The following EVA1C variants were observed in gnomAD, a reference collection of about 807,000 sequenced individuals.
EVA1C encodes the protein eva-1 homolog C.
EVA1C carries 25 observed loss-of-function variants against 45.4 expected under a neutral mutation model. The observed-to-expected ratio is 0.55, with a 90% CI of 0.40 to 0.77. The LOEUF (loss-of-function observed/expected upper bound fraction) is 0.77. Among genes scored for constraint, EVA1C ranks in the 30% least tolerant of loss-of-function variants. The probability of loss-of-function intolerance (pLI) is 0.00; values close to 1 mark genes in which losing one functional copy is unlikely to be tolerated. For missense variants in EVA1C, 479 were observed against 554.8 expected, an observed-to-expected ratio of 0.86 and a Z score of 1.37; for synonymous variants, 190 against 221.2, an observed-to-expected ratio of 0.86 and a Z score of 1.25.
intron 4 of EVA1C, among the ~76,000 whole-genome samples, chr21:32,492,783 A>G (rs866353963): frequency 8.1e-4 from 123 of 151,792 alleles, no homozygotes; most frequent in African/African-American, 2.8e-3. Flanking sequence ...ATCTCTCAGT[A>G]GCACCACTGT....
upstream of EVA1C, chr21:32,412,473 C>T: frequency 5.7e-6 from 1 of 175,038 alleles, no homozygotes; most frequent in East Asian, 1.5e-4. Flanking sequence ...CGGCCCGGGG[C>T]GCGCTACTGG....
intron 4 of EVA1C, among the ~76,000 whole-genome samples, chr21:32,468,380 A>G (rs2036255451): frequency 7.5e-6 from 1 of 133,450 alleles, no homozygotes; most frequent in African/African-American, 2.8e-5. Flanking sequence ...CTCAAAAAAC[A>G]AACAAACAAA....
intron 1 of EVA1C, among the ~76,000 whole-genome samples, chr21:32,423,067 T>A (rs1334953410): frequency 7.4e-5 from 1 of 13,510 alleles, no homozygotes; most frequent in Non-Finnish European, 1.1e-4. Flanking sequence ...TGAGACTCTG[T>A]CTCAAAAAAA....
intron 3 of EVA1C, among the ~76,000 whole-genome samples, chr21:32,459,953 G>T (rs1257268159): frequency 1.3e-5 from 2 of 151,200 alleles, no homozygotes; most frequent in African/African-American, 2.4e-5. Flanking sequence ...CTATATGTTT[G>T]AAATGTTTCA....
In EVA1C at chr21:32,412,974, G is replaced by T. The variant is rs1393896285; in HGVS notation, c.121G>T (p.Val41Phe). The T allele has an allele frequency of 6.6e-7, 1 of 1,523,110 alleles. No homozygotes were observed. The allele number at this position is 1,523,110 out of a possible 1,614,324, so 94.3% of individuals were successfully genotyped here. A position where few individuals can be genotyped will look rare whatever the true frequency, so the allele number is the denominator to read the frequency against. Residue 41 changes from valine (V) to phenylalanine (F), a missense_variant, in exon 1 of 8, where the codon GTC becomes TTC. By Grantham distance (50) the Val-to-Phe change is conservative. Transcript: ENST00000300255. ...LLRLFYCTVL[V>F]CSKEISALTD... is the part of the protein sequence containing the mutation. ...GCGCCTCTTCTACTGCACTGTCCTG[G>T]TCTGCTCCAAAGAGATCTCAGCGCT...
rs1476238612 is a variant in EVA1C, at chr21:32,514,816, C to T, written c.952C>T (p.His318Tyr). Residue 318 changes from histidine to tyrosine, a missense_variant and splice_region_variant, in exon 8 of 8, where the codon CAC (histidine) becomes TAC (tyrosine). Physicochemically the swap from His to Tyr is moderately conservative, Grantham distance 83. Coordinates refer to ENST00000300255, the MANE Select transcript of EVA1C (RefSeq NM_058187.5). ...SLAAFAYIRA[H>Y]PERAALLFVS... Reference sequence around the variant, plus strand: ...GACATGTTCTCTTCCTCCTGCAGCCCACCCGGAGAGAGCTGCCCTGCTGTT... The same window carrying T: ...GACATGTTCTCTTCCTCCTGCAGCCTACCCGGAGAGAGCTGCCCTGCTGTT... The T allele has an allele frequency of 4.5e-6, 7 of 1,550,010 alleles. No individual in the cohort carries two copies. The African/African-American group carries it at 9.6e-5, about 21-fold the overall frequency.
At chr21:32,503,791 C>G in intron 6 of EVA1C, 135 bp from the exon 7 acceptor site, 3 of 607,826 alleles carry the variant, frequency 4.9e-6, no homozygotes, top group Non-Finnish European at 8.8e-6. Flanking sequence ...GTAATTTAGC[C>G]AGAGGCCCAT....
At chr21:32,488,452 C>T (rs2037045134) in intron 4 of EVA1C, among the ~76,000 whole-genome samples, 1 of 152,214 alleles carries the variant, frequency 6.6e-6, no homozygotes, top group South Asian at 2.1e-4. Flanking sequence ...TCCACACCCT[C>T]TCCAAACACT....
At chr21:32,496,898 A>G (rs1418290109) in intron 5 of EVA1C, 1 of 1,208,500 alleles carries the variant, frequency 8.3e-7, no homozygotes, top group Non-Finnish European at 1.2e-6. Context: ...GGAGGGAGTG[A>G]GCCAGTTTCT....
intron 4 of EVA1C, among the ~76,000 whole-genome samples, chr21:32,484,415 G>A (rs763861325): frequency 6.6e-6 from 1 of 152,064 alleles, no homozygotes; most frequent in African/African-American, 2.4e-5. Context: ...GCAGTGGCGT[G>A]TGCCTGTAAT....
At chr21:32,487,718 T>TGA in intron 4 of EVA1C, among the ~76,000 whole-genome samples, 1 of 124,178 alleles carries the variant, frequency 8.1e-6, no homozygotes, top group South Asian at 2.5e-4. Flanking sequence ...AGACTCCATC[T>TGA]CAAAAAAAAA....
At chr21:32,463,576 C>A (rs796518877) in intron 3 of EVA1C, among the ~76,000 whole-genome samples, 5 of 152,276 alleles carry the variant, frequency 3.3e-5, no homozygotes, top group African/African-American at 9.6e-5. Flanking sequence ...AGATGGTTTG[C>A]CCATAATCTG....
chr21:32,446,658 A>T (rs1270111325), intron 1 of EVA1C, among the ~76,000 whole-genome samples: 3 of 152,166 alleles, frequency 2.0e-5, no homozygotes, highest in Non-Finnish European at 4.4e-5. Flanking sequence ...GGAGCAGCTC[A>T]TCTGTCATCT....
chr21:32,499,358 C>T (rs2037454735), intron 5 of EVA1C, among the ~76,000 whole-genome samples: 1 of 152,202 alleles, frequency 6.6e-6, no homozygotes, highest in Non-Finnish European at 1.5e-5. Flanking sequence ...CCGGAGCTGC[C>T]AGGGTCCCAG....
At chr21:32,445,485 G>C (rs1247403065) in intron 1 of EVA1C, among the ~76,000 whole-genome samples, 1 of 152,192 alleles carries the variant, frequency 6.6e-6, no homozygotes, top group African/African-American at 2.4e-5. Flanking sequence ...AACCAAATGG[G>C]AGGCAGGTTT....
intron 4 of EVA1C, among the ~76,000 whole-genome samples, chr21:32,472,642 G>T (rs116866312): frequency 3.6e-5 from 5 of 140,316 alleles, no homozygotes; most frequent in African/African-American, 1.3e-4. Context: ...TCTCTTAAAA[G>T]AAAAAAAAAA....
chr21:32,474,553 C>T lies in EVA1C; in HGVS notation c.634+6705C>T, dbSNP rs931564621. ...TGGCGACCCTTTTGTTGGACTTTCT[C>T]CACAGCATGGAGATAGACCATGGTA... On this transcript the variant is annotated intron_variant, in intron 4 of 7. Transcript: ENST00000300255. This position sits in a 1 kb window ranked among gnomAD's most constrained non-coding sequence, Gnocchi z 4.4. 1.3e-5 allele frequency among the ~76,000 whole-genome samples: 2 copies of T among 152,204 alleles called. No individual in the cohort carries two copies. Among genetic ancestry groups the T allele is most frequent in the African/African-American group, 4.8e-5 (2 of 41,450 alleles).
chr21:32,480,961 CAA>C (rs201056328), intron 4 of EVA1C, among the ~76,000 whole-genome samples: 3 of 134,944 alleles, frequency 2.2e-5, no homozygotes, highest in Admixed American at 7.3e-5. Flanking sequence ...AGTGCCGTCT[CAA>C]AAAAAAAAAA....
At chr21:32,479,349 G>C (rs2036694753) in intron 4 of EVA1C, among the ~76,000 whole-genome samples, 1 of 152,154 alleles carries the variant, frequency 6.6e-6, no homozygotes, top group Non-Finnish European at 1.5e-5. Flanking sequence ...CTTGAACCTG[G>C]GAGGCGGAGA....
Sources: gnomAD v4.1 joint callset for allele counts (sites outside exome capture counted in the v4.1 genomes callset) on GRCh38, gnomAD v4.1.1 for gene constraint, Gnocchi (gnomAD v3.1) non-coding constraint, MANE v1.5 for transcripts, NCBI Gene and HGNC (gene_info 2026-07-23, HGNC 2026-07-21) for gene names.